ABCA13: variants seen among roughly 807,000 people sequenced by gnomAD.
ABCA13 encodes ATP binding cassette subfamily A member 13.
ABCA13 carries 476 observed loss-of-function variants against 478.7 expected under a neutral mutation model. That is an observed-to-expected ratio of 0.99 (90% CI 0.92 to 1.07). ABCA13 has a LOEUF of 1.07. Ranked by LOEUF, ABCA13 falls within the 50% of genes least tolerant of loss-of-function variation. ABCA13 has a pLI of 0.00. For missense variants in ABCA13, 6,060 were observed against 5,910.6 expected, an observed-to-expected ratio of 1.03 and a Z score of -0.83; for synonymous variants, 2,252 against 2,158.9, an observed-to-expected ratio of 1.04 and a Z score of -1.20.
At chr7:48,203,609 C>T (rs556705877) in intron 3 of ABCA13, among the ~76,000 whole-genome samples, 1 of 146,050 alleles carries the variant, frequency 6.8e-6, no homozygotes. Context: ...GGGGTTTCCC[C>T]TTCATTTTAA....
chr7:48,380,344 A>G (rs1168237820), intron 35 of ABCA13, among the ~76,000 whole-genome samples: 1 of 152,250 alleles, frequency 6.6e-6, no homozygotes, highest in Non-Finnish European at 1.5e-5. Flanking sequence ...GGGCAGAATG[A>G]AGATTGATAC....
chr7:48,301,790 GT>G (rs1269069118), intron 23 of ABCA13, among the ~76,000 whole-genome samples: 5 of 152,128 alleles, frequency 3.3e-5, no homozygotes. Context: ...TCATTCTCTG[GT>G]GTTCTTAGAG....
In ABCA13 at chr7:48,278,429, C is replaced by G. The variant is rs373658653; in HGVS notation, c.7235C>G (p.Ala2412Gly). The change falls in exon 18 of 62, where the codon GCT (alanine) becomes GGT (glycine). Residue 2412 changes from alanine (A) to glycine (G), a missense_variant. Ala to Gly is a moderately conservative substitution (Grantham distance 60, BLOSUM62 0). Around this residue, in one of 3 missense-constraint regions of ABCA13, gnomAD observed 4,423 missense variants for 4,309.1 expected, o/e 1.03. Coordinates refer to ENST00000435803, the MANE Select transcript of ABCA13 (RefSeq NM_152701.5). ...LFKLNQDLGS[A>G]LHLVRECSTE... ...AAACTCAATCAAGATCTTGGGTCAG[C>G]TCTTCACCTTGTAAGAGAATGTTCA... 1.6e-5 allele frequency: 26 copies of G among 1,613,846 alleles called. No individual in the cohort carries two copies. Among genetic ancestry groups the G allele is most frequent in the African/African-American group, 2.7e-5 (2 of 74,940 alleles).
chr7:48,316,189 C>T (rs1563035156), intron 26 of ABCA13, among the ~76,000 whole-genome samples: 1 of 152,030 alleles, frequency 6.6e-6, no homozygotes, highest in Non-Finnish European at 1.5e-5. Context: ...ATGAGAGCCA[C>T]CAAGAGGGAT....
intron 58 of ABCA13, among the ~76,000 whole-genome samples, chr7:48,609,089 T>C (rs1448014263): frequency 6.6e-6 from 1 of 152,206 alleles, no homozygotes; most frequent in Non-Finnish European, 1.5e-5. Context: ...GCTTTGCCAG[T>C]TCTAGAAACT....
intron 31 of ABCA13, among the ~76,000 whole-genome samples, chr7:48,360,415 G>T (rs1810643121): frequency 6.6e-6 from 1 of 151,880 alleles, no homozygotes; most frequent in Non-Finnish European, 1.5e-5. Context: ...CTTTGATTTG[G>T]GTTCCAGAGA....
At chr7:48,560,117 G>A (rs185242234) in intron 55 of ABCA13, among the ~76,000 whole-genome samples, 17 of 152,222 alleles carry the variant, frequency 1.1e-4, no homozygotes, top group Non-Finnish European at 2.5e-4. Context: ...TGTGTTCTAG[G>A]CTCCCTTTCA....
intron 27 of ABCA13, among the ~76,000 whole-genome samples, chr7:48,321,814 G>C (rs1010084924): frequency 6.6e-6 from 1 of 152,178 alleles, no homozygotes; most frequent in Non-Finnish European, 1.5e-5. Context: ...CAGACCCCAA[G>C]GTTCCAGGTA....
At chr7:48,305,425 G>T (rs1170738045) in intron 23 of ABCA13, among the ~76,000 whole-genome samples, 1 of 152,214 alleles carries the variant, frequency 6.6e-6, no homozygotes, top group Non-Finnish European at 1.5e-5. Context: ...GAGCCACACT[G>T]CTCCTCTCTG....
intron 55 of ABCA13, among the ~76,000 whole-genome samples, chr7:48,557,670 G>A (rs1433862574): frequency 1.3e-5 from 2 of 152,024 alleles, no homozygotes; most frequent in African/African-American, 4.8e-5. Flanking sequence ...AAATGGCTCA[G>A]AGTAGTCTTC....
chr7:48,438,052 TC>T (rs1236500645), intron 42 of ABCA13, among the ~76,000 whole-genome samples: 1 of 152,096 alleles, frequency 6.6e-6, no homozygotes, highest in East Asian at 1.9e-4. Context: ...CCAAATGCCT[TC>T]CATGGTTTCC....
chr7:48,328,677 T>A (rs967056970), intron 27 of ABCA13, among the ~76,000 whole-genome samples: 1 of 152,096 alleles, frequency 6.6e-6, no homozygotes, highest in Non-Finnish European at 1.5e-5. Flanking sequence ...TAATCTTAAT[T>A]AATTTATTAG....
At chr7:48,413,620 G>T (rs1819564058) in intron 41 of ABCA13, among the ~76,000 whole-genome samples, 1 of 152,178 alleles carries the variant, frequency 6.6e-6, no homozygotes, top group South Asian at 2.1e-4. Flanking sequence ...ATCTGCAAAA[G>T]TCAAAGTCTG....
chr7:48,592,747 A>C (rs1397272990), intron 57 of ABCA13, among the ~76,000 whole-genome samples: 1 of 151,998 alleles, frequency 6.6e-6, no homozygotes, highest in African/African-American at 2.4e-5. Flanking sequence ...CATTACATAT[A>C]TAGTACTCTA....
intron 48 of ABCA13, among the ~76,000 whole-genome samples, chr7:48,499,149 A>G (rs922521468): frequency 6.6e-6 from 1 of 152,188 alleles, no homozygotes; most frequent in African/African-American, 2.4e-5. Context: ...AATAATTAAT[A>G]TTGAGAAAAA....
At chr7:48,401,776 C>G (rs1383489625) in intron 38 of ABCA13, among the ~76,000 whole-genome samples, 1 of 151,650 alleles carries the variant, frequency 6.6e-6, no homozygotes, top group Non-Finnish European at 1.5e-5. Context: ...CACACACACA[C>G]TATGGGGAGC....
At chr7:48,356,345 A>G (rs1035493846) in intron 31 of ABCA13, among the ~76,000 whole-genome samples, 1 of 151,738 alleles carries the variant, frequency 6.6e-6, no homozygotes, top group Admixed American at 6.5e-5. Flanking sequence ...TCTCAATGGG[A>G]AGAAATGGGA....
chr7:48,643,349 G>A lies in ABCA13; in HGVS notation c.14899G>A (p.Val4967Ile). 6.2e-7 allele frequency: 1 copy of A among 1,613,632 alleles called. No individual in the cohort carries two copies. The highest frequency in any genetic ancestry group is 8.5e-7 in the Non-Finnish European group (1 of 1,179,724). Residue 4967 changes from valine to isoleucine, a missense_variant, in exon 60 of 62, where the codon GTT (valine) becomes ATT (isoleucine). Coordinates refer to ENST00000435803, the MANE Select transcript of ABCA13 (RefSeq NM_152701.5). ...LCKEANQHCTVSDHLKLYFPG... is the reference protein window; with the variant it reads ...LCKEANQHCTISDHLKLYFPG... The stretch of plus-strand genomic sequence containing the variant: ...TAAGGAAGCAAATCAACATTGCACT[G>A]TTTCTGACCACTTGAAGCTTTATTT...
intron 58 of ABCA13, among the ~76,000 whole-genome samples, chr7:48,607,963 G>A (rs566524431): frequency 3.3e-5 from 5 of 152,208 alleles, no homozygotes; most frequent in African/African-American, 4.8e-5. Context: ...TTACTGCAAC[G>A]TCTGCCTTGT....
Sources: allele counts gnomAD v4.1 joint callset (sites outside exome capture counted in the v4.1 genomes callset), GRCh38; gene constraint gnomAD v4.1.1; regional missense constraint gnomAD v4.1.1; transcripts MANE v1.5; gene names NCBI Gene and HGNC (gene_info 2026-07-23, HGNC 2026-07-21).